The following RALGPS1 variants were observed in gnomAD, a reference collection of about 807,000 sequenced individuals.
The protein encoded by RALGPS1 is ras-specific guanine nucleotide-releasing factor RalGPS1.
Under a neutral mutation model 78.8 loss-of-function variants are expected in RALGPS1, and 19 were observed. The ratio of observed to expected loss-of-function variants is 0.24; its 90% CI spans 0.17 to 0.35. The LOEUF is 0.35. RALGPS1 is among the 10% of genes least tolerant of loss of function. The pLI is 1.00. For missense variants in RALGPS1, 454 were observed against 688.3 expected (o/e 0.66, Z 3.81); for synonymous variants, 228 against 256.3 (o/e 0.89, Z 1.06).
intron 1 of RALGPS1, among the ~76,000 whole-genome samples, chr9:126,933,969 A>G (rs980368662): frequency 2.0e-5 from 3 of 152,158 alleles, no homozygotes; most frequent in African/African-American, 7.2e-5. Flanking sequence ...TTGGCCTGTC[A>G]GAATGCGTTT....
At chr9:126,935,260 G>T (rs1005424115) in intron 1 of RALGPS1, among the ~76,000 whole-genome samples, 1 of 152,138 alleles carries the variant, frequency 6.6e-6, no homozygotes, top group African/African-American at 2.4e-5. Flanking sequence ...TCTGTGTCTT[G>T]TTCAATGCCT....
At chr9:127,135,166 G>A (rs1473149339) in intron 8 of RALGPS1, among the ~76,000 whole-genome samples, 7 of 152,206 alleles carry the variant, frequency 4.6e-5, no homozygotes, top group Non-Finnish European at 1.0e-4. Context: ...AGATTGACAC[G>A]TAGCCCCTGG....
chr9:126,942,937 T>C (rs1028088163), intron 1 of RALGPS1, among the ~76,000 whole-genome samples: 3 of 152,198 alleles, frequency 2.0e-5, no homozygotes, highest in Admixed American at 2.0e-4. Flanking sequence ...ATTTTTCTCT[T>C]TTGTTAGTGG....
chr9:126,998,719 G>A (rs1027182311), intron 4 of RALGPS1, among the ~76,000 whole-genome samples: 2 of 152,054 alleles, frequency 1.3e-5, no homozygotes, highest in Non-Finnish European at 2.9e-5. Context: ...ACATGCACAC[G>A]TATGTTTATA....
At chr9:126,948,431 C>T (rs558730004) in intron 1 of RALGPS1, among the ~76,000 whole-genome samples, 1 of 152,092 alleles carries the variant, frequency 6.6e-6, no homozygotes, top group Admixed American at 6.5e-5. Context: ...GCAGGAGAAT[C>T]GCTCGCTTGA....
chr9:127,064,798 C>A (rs1054417429), intron 7 of RALGPS1, among the ~76,000 whole-genome samples: 27 of 152,194 alleles, frequency 1.8e-4, no homozygotes, highest in African/African-American at 6.5e-4. Context: ...ATATGCGTCA[C>A]TATATAGTCA....
chr9:126,963,576 T>C (rs1017614339), intron 2 of RALGPS1, among the ~76,000 whole-genome samples: 1 of 152,258 alleles, frequency 6.6e-6, no homozygotes, highest in Non-Finnish European at 1.5e-5. Context: ...TACACCAACA[T>C]AGCCCCATAA....
At position 127,205,269 on chromosome 9, in the gene RALGPS1, G is replaced by T. The variant is rs184602532; in HGVS notation, c.1247+6203G>T. 6.6e-6 allele frequency among the ~76,000 whole-genome samples: 1 copy of T among 152,216 alleles called. No homozygotes were observed. Among genetic ancestry groups the T allele is most frequent in the South Asian group, 2.1e-4 (1 of 4,830 alleles). The stretch of plus-strand genomic sequence containing the variant: ...AGCCTCTTCAGGTCCCAGGCCCCCC[G>T]TCGAGGGATCACTAGGGTTCTCTTC... On this transcript the variant is annotated intron_variant, in intron 14 of 18. Coordinates refer to ENST00000259351, the MANE Select transcript of RALGPS1 (RefSeq NM_014636.3). This position sits in a 1 kb window ranked among gnomAD's most constrained non-coding sequence, Gnocchi z 4.0.
At chr9:127,023,951 T>C (rs886325451) in intron 4 of RALGPS1, among the ~76,000 whole-genome samples, 8 of 145,788 alleles carry the variant, frequency 5.5e-5, no homozygotes, top group Non-Finnish European at 1.2e-4. Context: ...GCAGAAGAAT[T>C]GCTTGAACCT....
chr9:127,070,995 A>C (rs945122015), intron 8 of RALGPS1, among the ~76,000 whole-genome samples: 6 of 150,526 alleles, frequency 4.0e-5, no homozygotes, highest in African/African-American at 1.5e-4. Context: ...TAATTTTTTG[A>C]CAATATAATA....
rs1352971405 is a variant in RALGPS1 at position 127,222,874 on chromosome 9, T to C, written c.*4105T>C. 1 of 152,606 alleles carries C rather than the reference T, an allele frequency of 6.6e-6. No homozygotes were observed. The highest frequency in any genetic ancestry group is 1.9e-4 in the East Asian group (1 of 5,200). 9.5% of individuals were successfully genotyped at this position (152,606 alleles called of 1,614,324 possible). On this transcript the variant is annotated 3_prime_UTR_variant, in exon 19 of 19. Coordinates refer to ENST00000259351, the MANE Select transcript of RALGPS1 (RefSeq NM_014636.3). ...TTCTACATTTTAATTCGTTTCCTGT[T>C]AAATCTGTTGCACTCTCCTGGGCTG...
intron 4 of RALGPS1, among the ~76,000 whole-genome samples, chr9:127,027,390 T>A (rs1216120920): frequency 6.6e-6 from 1 of 152,186 alleles, no homozygotes; most frequent in African/African-American, 2.4e-5. Flanking sequence ...GGAATCAGCT[T>A]CTCCCTTTTG....
chr9:127,133,686 TA>T (rs1372770840), intron 8 of RALGPS1, among the ~76,000 whole-genome samples: 2 of 152,122 alleles, frequency 1.3e-5, no homozygotes, highest in East Asian at 3.9e-4. Flanking sequence ...AAATCCACCC[TA>T]GGGGGACCCT....
intron 3 of RALGPS1, among the ~76,000 whole-genome samples, chr9:126,975,891 A>G (rs988996027): frequency 2.6e-5 from 4 of 152,158 alleles, no homozygotes; most frequent in African/African-American, 9.7e-5. Context: ...CCCACCTCTC[A>G]GCCAGGCTGG....
chr9:127,035,569 C>G (rs2046793604), intron 5 of RALGPS1, among the ~76,000 whole-genome samples: 1 of 152,050 alleles, frequency 6.6e-6, no homozygotes, highest in African/African-American at 2.4e-5. Context: ...GCCTGGATTC[C>G]CTTTGGGCCC....
At chr9:126,995,412 C>G (rs1194494705) in intron 4 of RALGPS1, among the ~76,000 whole-genome samples, 1 of 152,052 alleles carries the variant, frequency 6.6e-6, no homozygotes, top group Non-Finnish European at 1.5e-5. Flanking sequence ...TTTAAACCAA[C>G]AAAGATCAAA....
intron 4 of RALGPS1, among the ~76,000 whole-genome samples, chr9:126,980,350 C>T (rs2041126596): frequency 6.6e-6 from 1 of 152,172 alleles, no homozygotes; most frequent in Non-Finnish European, 1.5e-5. Context: ...AGACTAGTGC[C>T]TTTCAACCCT....
chr9:127,161,861 A>G (rs565070416), intron 8 of RALGPS1, among the ~76,000 whole-genome samples: 1 of 130,580 alleles, frequency 7.7e-6, no homozygotes, highest in Non-Finnish European at 1.5e-5. Flanking sequence ...GTGGCCACAG[A>G]CAAACGGTAT....
intron 11 of RALGPS1, chr9:127,178,413 A>G (rs917819811): frequency 2.0e-6 from 2 of 1,019,764 alleles, no homozygotes; most frequent in Middle Eastern, 4.6e-4. Context: ...TGGGCATAAA[A>G]TCTTCCTCCT....
Sources: gnomAD v4.1 joint callset for allele counts (sites outside exome capture counted in the v4.1 genomes callset) on GRCh38, gnomAD v4.1.1 for gene constraint, Gnocchi (gnomAD v3.1) non-coding constraint, MANE v1.5 for transcripts, NCBI Gene and HGNC (gene_info 2026-07-23, HGNC 2026-07-21) for gene names.